The following KIF5C variants were observed in gnomAD, a reference collection of about 807,000 sequenced individuals.
KIF5C encodes the protein kinesin family member 5C, also known as kinesin heavy chain isoform 5C.
Under a neutral mutation model 125.2 loss-of-function variants are expected in KIF5C, and 18 were observed. The observed-to-expected ratio is 0.14, with a 90% CI of 0.10 to 0.21. KIF5C has a LOEUF of 0.21. KIF5C is among the 10% of genes least tolerant of loss of function. KIF5C has a pLI of 1.00. For missense variants in KIF5C, 780 were observed against 1,183.8 expected (o/e 0.66, Z 5.01); for synonymous variants, 405 against 434.0 (o/e 0.93, Z 0.83).
At chr2:148,970,483 G>A (rs1209596611) in intron 11 of KIF5C, among the ~76,000 whole-genome samples, 1 of 152,222 alleles carries the variant, frequency 6.6e-6, no homozygotes. Context: ...GAAACCAAGA[G>A]GGTAAGCAGG....
chr2:148,959,340 C>T (rs979783845), intron 10 of KIF5C, among the ~76,000 whole-genome samples: 6 of 152,076 alleles, frequency 3.9e-5, no homozygotes, highest in Middle Eastern at 3.2e-3. Context: ...ATCTTCAGAA[C>T]TGTCCTTGCT....
Position 148,875,605 on chromosome 2 carries a change from A to T in KIF5C, c.-13A>T. 2.5e-6 allele frequency: 2 copies of T among 813,388 alleles called. No homozygotes were observed. Among genetic ancestry groups the T allele is most frequent in the Admixed American group, 2.9e-5 (1 of 34,506 alleles). 50.4% of individuals were successfully genotyped at this position (813,388 alleles called of 1,614,324 possible). The stretch of plus-strand genomic sequence containing the variant: ...CCACCCATCCCCGTGCCCCCTCCCT[A>T]CCGCCGGCCGAGATGGCGGATCCAG... On this transcript the variant is annotated 5_prime_UTR_variant, in exon 1 of 26. Transcript: ENST00000435030.
rs1163690316 is a variant in KIF5C at position 148,875,301 on chromosome 2, C to A, written c.-317C>A. On this transcript the variant is annotated 5_prime_UTR_variant, in exon 1 of 26. Coordinates refer to ENST00000435030, the MANE Select transcript of KIF5C (RefSeq NM_004522.3). ...AGGTCTGAGCCGGGCGAGGCTCGCT[C>A]CCTGCGCATCGCCTCCTCCGCCCGC... is the stretch of plus-strand genomic sequence containing the variant. 1 of 271,448 alleles carries A rather than the reference C, an allele frequency of 3.7e-6. No homozygotes were observed. Among genetic ancestry groups the A allele is most frequent in the African/African-American group, 2.2e-5 (1 of 44,774 alleles). 16.8% of individuals were successfully genotyped at this position (271,448 alleles called of 1,614,324 possible).
rs577611068 is a variant in KIF5C, at chr2:148,915,993, C to T, written c.127-6144C>T. Among the ~76,000 whole-genome samples, 109 of 152,308 alleles carry T rather than the reference C, an allele frequency of 7.2e-4. 2 individuals carry two copies. The South Asian group carries it at 0.022, about 31-fold the overall frequency. ...TGACTAAGAACTGCTGGGGTTGGTA[C>T]CCACAACATCCCTTTGGCCTGTTGC... is the stretch of plus-strand genomic sequence containing the variant. On this transcript the variant is annotated intron_variant, in intron 1 of 25. Coordinates refer to ENST00000435030, the MANE Select transcript of KIF5C (RefSeq NM_004522.3).
chr2:148,997,664 C>T (rs1681718448), intron 18 of KIF5C: 1 of 329,062 alleles, frequency 3.0e-6, no homozygotes, highest in Non-Finnish European at 5.5e-6. Flanking sequence ...GGATTTCTTC[C>T]TCCAACCTTT....
intron 19 of KIF5C, chr2:148,998,831 C>CAAAAAAAAAAAAAAAAAGAAAAAAAA (rs1681757203): frequency 1.6e-5 from 1 of 62,370 alleles, no homozygotes; most frequent in Non-Finnish European, 3.3e-5. Context: ...ATGAAAGCAC[C>CAAAAAAAAAAAAAAAAAGAAAAAAAA]AAAAAAAAAA....
In KIF5C at chr2:148,997,347, G is replaced by A; in HGVS notation, c.2100+7G>A. 1 of 1,613,980 alleles carries A rather than the reference G, an allele frequency of 6.2e-7. No homozygotes were observed. Among genetic ancestry groups the A allele is most frequent in the Non-Finnish European group, 8.5e-7 (1 of 1,179,886 alleles). On this transcript the variant is annotated splice_region_variant and intron_variant, in intron 18 of 25. Transcript: ENST00000435030. ...GGATGCTGAAGAAATGAAGGTGTGT[G>A]TGGCTGCCCCTTCCATCAAGCCCAG...
At chr2:148,927,626 A>AT (rs1419199335) in intron 2 of KIF5C, among the ~76,000 whole-genome samples, 1 of 152,136 alleles carries the variant, frequency 6.6e-6, no homozygotes, top group Admixed American at 6.5e-5. Flanking sequence ...TGAATATGGC[A>AT]TTTTTAAAGT....
intron 3 of KIF5C, among the ~76,000 whole-genome samples, chr2:148,936,866 A>T (rs989917963): frequency 6.6e-6 from 1 of 152,218 alleles, no homozygotes; most frequent in Non-Finnish European, 1.5e-5. Context: ...TGATTTCATT[A>T]AACAAGATTG....
intron 1 of KIF5C, chr2:148,879,800 G>C (rs886095679): frequency 1.3e-5 from 2 of 152,096 alleles, no homozygotes; most frequent in Non-Finnish European, 2.9e-5. Context: ...CTCTTATTGG[G>C]CTTTTCTCTT....
At chr2:148,978,254 G>A (rs536580764) in intron 12 of KIF5C, among the ~76,000 whole-genome samples, 15 of 149,084 alleles carry the variant, frequency 1.0e-4, no homozygotes, top group Admixed American at 1.3e-4. Flanking sequence ...AAAAGAGTGA[G>A]AAGAGCGAAT....
In KIF5C at chr2:148,875,569, G is replaced by GGCCCCGGGCCCCCCCCCCCCC; in HGVS notation, c.-49_-48insGCCCCGGGCCCCCCCCCCCCC. On this transcript the variant is annotated 5_prime_UTR_variant, in exon 1 of 26. Coordinates refer to ENST00000435030, the MANE Select transcript of KIF5C (RefSeq NM_004522.3). Reference sequence around the variant, plus strand: ...GCGGCCTCCTCCCTCGTCGTTCCCGGCCCCGGCCCCCCACCCATCCCCGTG... The same window carrying GGCCCCGGGCCCCCCCCCCCCC: ...GCGGCCTCCTCCCTCGTCGTTCCCGGGCCCCGGGCCCCCCCCCCCCCCCCCGGCCCCCCACCCATCCCCGTG... The GGCCCCGGGCCCCCCCCCCCCC allele has an allele frequency of 1.4e-6, 1 of 689,868 alleles. No homozygotes were observed. Among genetic ancestry groups the GGCCCCGGGCCCCCCCCCCCCC allele is most frequent in the East Asian group, 3.1e-5 (1 of 32,720 alleles). 42.7% of individuals were successfully genotyped at this position (689,868 alleles called of 1,614,324 possible).
At chr2:148,902,178 C>T (rs1043604362) in intron 1 of KIF5C, among the ~76,000 whole-genome samples, 4 of 152,158 alleles carry the variant, frequency 2.6e-5, no homozygotes, top group African/African-American at 7.2e-5. Flanking sequence ...GCAACCAGCA[C>T]CTTTTGTGGT....
intron 10 of KIF5C, among the ~76,000 whole-genome samples, chr2:148,954,306 C>T (rs1332632292): frequency 2.6e-5 from 4 of 152,282 alleles, no homozygotes; most frequent in African/African-American, 4.8e-5. Context: ...ACTTGAATTA[C>T]GAGGCAGTAG....
chr2:149,013,717 C>T (rs1682278780), intron 25 of KIF5C, among the ~76,000 whole-genome samples: 1 of 152,098 alleles, frequency 6.6e-6, no homozygotes, highest in African/African-American at 2.4e-5. Flanking sequence ...TTCTGGGGTC[C>T]AGAGATTGTG....
chr2:148,951,255 CACT>C (rs1235616229), intron 10 of KIF5C, among the ~76,000 whole-genome samples: 1 of 152,196 alleles, frequency 6.6e-6, no homozygotes, highest in Non-Finnish European at 1.5e-5. Context: ...TCTTTACCAG[CACT>C]GGAGGTAGGA....
intron 1 of KIF5C, among the ~76,000 whole-genome samples, chr2:148,877,035 T>C (rs1003423366): frequency 6.6e-6 from 1 of 152,226 alleles, no homozygotes; most frequent in Non-Finnish European, 1.5e-5. Context: ...GGAGTCCGCC[T>C]GGCCTTTCTC....
chr2:149,024,182 T>C lies in KIF5C; in HGVS notation c.*1112T>C, dbSNP rs139634151. On this transcript the variant is annotated 3_prime_UTR_variant, in exon 26 of 26. Coordinates refer to ENST00000435030, the MANE Select transcript of KIF5C (RefSeq NM_004522.3). ...TAGGCACAATTAGAAAAAATCCACA[T>C]AGATGGATATTTTACATTTAGTTAT... 1.0e-4 allele frequency: 16 copies of C among 152,736 alleles called. No individual in the cohort carries two copies. The highest frequency in any genetic ancestry group is 3.4e-3 in the Middle Eastern group (1 of 294). The allele number at this position is 152,736 out of a possible 1,614,324, so 9.5% of individuals were successfully genotyped here.
At chr2:148,906,998 T>C (rs182294359) in intron 1 of KIF5C, among the ~76,000 whole-genome samples, 1 of 152,288 alleles carries the variant, frequency 6.6e-6, no homozygotes, top group African/African-American at 2.4e-5. Context: ...AGTTTGAGAC[T>C]ACAGTGAACT....
Sources: allele counts gnomAD v4.1 joint callset (sites outside exome capture counted in the v4.1 genomes callset), GRCh38; gene constraint gnomAD v4.1.1; transcripts MANE v1.5; gene names NCBI Gene and HGNC (gene_info 2026-07-23, HGNC 2026-07-21).